DOCK7: variants seen among roughly 807,000 people sequenced by gnomAD.
DOCK7 encodes the protein dedicator of cytokinesis 7, also known as dedicator of cytokinesis protein 7.
A neutral mutation model predicts 271.0 loss-of-function variants in DOCK7; 138 were observed. The ratio of observed to expected loss-of-function variants is 0.51; its 90% confidence interval spans 0.44 to 0.59. The LOEUF (loss-of-function observed/expected upper bound fraction) is 0.59, where lower values mean the gene tolerates loss of function less well. Ranked by LOEUF, DOCK7 falls within the 20% of genes least tolerant of loss-of-function variation. The pLI is 0.00. For synonymous variants in DOCK7, 823 were observed against 876.1 expected (o/e 0.94, Z 1.07); for missense variants, 2,066 against 2,592.4 (o/e 0.80, Z 4.41).
intron 14 of DOCK7, among the ~76,000 whole-genome samples, chr1:62,593,940 A>G (rs1197224023): frequency 4.6e-5 from 7 of 152,320 alleles, no homozygotes; most frequent in African/African-American, 1.7e-4. Flanking sequence ...ACATATCTCC[A>G]TAAGATTACA....
Position 62,688,261 on chromosome 1 carries a change from C to A in DOCK7, c.4G>T (p.Ala2Ser). The change falls in exon 1 of 50, where the codon GCC becomes TCC. Residue 2 changes from alanine to serine, a missense_variant. By Grantham distance (99) the Ala-to-Ser change is moderately conservative. This residue lies in a region of DOCK7 where 1,414 missense variants were observed against 1,670.4 expected (regional missense o/e 0.85). Coordinates refer to ENST00000635253, the MANE Select transcript of DOCK7 (RefSeq NM_001367561.1). ...TTCTGGGCGAAGGCGCGGCGCTCGG[C>A]CATGGCTGCTGCGGCGACGGCGACG... MAERRAFAQKIS... is the reference protein window; with the variant it reads MSERRAFAQKIS... 1 of 1,345,700 alleles carries A rather than the reference C, an allele frequency of 7.4e-7. No homozygotes were observed. Among genetic ancestry groups the A allele is most frequent in the Non-Finnish European group, 9.7e-7 (1 of 1,035,286 alleles). The allele number at this position is 1,345,700 out of a possible 1,614,324, so 83.4% of individuals were successfully genotyped here.
chr1:62,597,639 T>C lies in DOCK7; in HGVS notation c.1683-11015A>G, dbSNP rs746135169. The C allele has an allele frequency of 3.1e-6, 5 of 1,613,152 alleles. No homozygotes were observed. The highest frequency in any genetic ancestry group is 4.2e-6 in the Non-Finnish European group (5 of 1,179,482). On this transcript the variant is annotated intron_variant, in intron 14 of 49. Coordinates refer to ENST00000635253, the MANE Select transcript of DOCK7 (RefSeq NM_001367561.1). The stretch of plus-strand genomic sequence containing the variant: ...CTCCAGAATTGATCAAGACAATTCA[T>C]CATTTGATTCTCTATCTCCAGAGCC...
At chr1:62,584,155 C>T in intron 15 of DOCK7, 3 of 983,658 alleles carry the variant, frequency 3.0e-6, no homozygotes, top group Non-Finnish European at 3.6e-6. Context: ...TTGGCATCAT[C>T]CTTAATTAGA....
Position 62,688,207 on chromosome 1 carries a change from G to A in DOCK7, c.38+20C>T. The stretch of plus-strand genomic sequence containing the variant: ...CTTTCTCGGGCGGCGGCGGCGGCGC[G>A]CCCCACGCCGGATATTTACCTGCTG... On this transcript the variant is annotated intron_variant, in intron 1 of 49. Transcript: ENST00000635253. 1.5e-6 allele frequency: 2 copies of A among 1,369,520 alleles called. No individual in the cohort carries two copies. The highest frequency in any genetic ancestry group is 2.7e-5 in the Admixed American group (1 of 37,034). 84.8% of individuals were successfully genotyped at this position (1,369,520 alleles called of 1,614,324 possible).
chr1:62,582,442 T>G (rs1571638542), intron 16 of DOCK7, among the ~76,000 whole-genome samples: 1 of 142,608 alleles, frequency 7.0e-6, no homozygotes, highest in Non-Finnish European at 1.5e-5. Context: ...CCCAGCTACT[T>G]GGGAGGCTGA....
intron 4 of DOCK7, among the ~76,000 whole-genome samples, chr1:62,650,192 T>G (rs1468524389): frequency 6.6e-6 from 1 of 152,230 alleles, no homozygotes; most frequent in Non-Finnish European, 1.5e-5. Flanking sequence ...CTAGATCATA[T>G]TTAGTCTATA....
intron 14 of DOCK7, among the ~76,000 whole-genome samples, chr1:62,614,197 T>C (rs1652158420): frequency 1.3e-5 from 2 of 152,112 alleles, no homozygotes; most frequent in African/African-American, 4.8e-5. Context: ...TTAGCAAATA[T>C]TTATGGAACT....
intron 1 of DOCK7, among the ~76,000 whole-genome samples, chr1:62,684,297 T>C (rs1557907856): frequency 6.6e-6 from 1 of 152,118 alleles, no homozygotes. Flanking sequence ...TAGGCCTCAA[T>C]TCCTCATCTA....
chr1:62,544,817 A>C, intron 23 of DOCK7, 130 bp downstream of exon 23: 1 of 664,030 alleles, frequency 1.5e-6, no homozygotes, highest in Non-Finnish European at 2.5e-6. Context: ...AAATGTGCTA[A>C]GTAAACAAAA....
At chr1:62,477,953 A>G (rs1557599748) in intron 43 of DOCK7, 128 bp from the exon 44 acceptor site, 2 of 1,059,470 alleles carry the variant, frequency 1.9e-6, no homozygotes, top group Non-Finnish European at 2.6e-6. Flanking sequence ...TCAAAATTAT[A>G]ATATTTTAAA....
At chr1:62,553,884 T>TCACTTCG (rs1646044963) in intron 21 of DOCK7, among the ~76,000 whole-genome samples, 1 of 151,382 alleles carries the variant, frequency 6.6e-6, no homozygotes, top group Non-Finnish European at 1.5e-5. Flanking sequence ...CGCAGCCCTT[T>TCACTTCG]CACTTCGGTA....
At chr1:62,545,174 G>A (rs1263628345) in intron 22 of DOCK7, 135 bp from the exon 23 acceptor site, 3 of 662,760 alleles carry the variant, frequency 4.5e-6, no homozygotes, top group East Asian at 2.9e-5. Context: ...ACCAAAATTT[G>A]TAGGCACCTA....
intron 37 of DOCK7, among the ~76,000 whole-genome samples, chr1:62,498,638 T>TG (rs956623974): frequency 1.3e-4 from 12 of 93,020 alleles, no homozygotes; most frequent in African/African-American, 3.5e-4. Flanking sequence ...CCAAGCTACT[T>TG]GAAAAAAAAA....
rs1470804574 is a variant in DOCK7 at position 62,688,325 on chromosome 1, G to T, written c.-61C>A. The T allele has an allele frequency of 9.0e-7, 1 of 1,110,368 alleles. No homozygotes were observed. Among genetic ancestry groups the T allele is most frequent in the East Asian group, 4.1e-5 (1 of 24,662 alleles). 68.8% of individuals were successfully genotyped at this position (1,110,368 alleles called of 1,614,324 possible). On this transcript the variant is annotated 5_prime_UTR_variant, in exon 1 of 50. Coordinates refer to ENST00000635253, the MANE Select transcript of DOCK7 (RefSeq NM_001367561.1). ...CGGCGGGCCGGGTGCGGACCGGCGGGCGCGTGCCTCCTCGCTCGTGCTCCC... is the reference window on the plus strand; with the variant it reads ...CGGCGGGCCGGGTGCGGACCGGCGGTCGCGTGCCTCCTCGCTCGTGCTCCC...
chr1:62,592,806 C>T (rs1648656100), intron 14 of DOCK7, among the ~76,000 whole-genome samples: 1 of 152,136 alleles, frequency 6.6e-6, no homozygotes, highest in Non-Finnish European at 1.5e-5. Flanking sequence ...TCATATACTC[C>T]TGGCAGGGAT....
intron 19 of DOCK7, among the ~76,000 whole-genome samples, chr1:62,561,099 C>G (rs998635114): frequency 6.6e-6 from 1 of 152,024 alleles, no homozygotes; most frequent in African/African-American, 2.4e-5. Flanking sequence ...AATGAGGTTG[C>G]TATGTTTTAA....
chr1:62,488,948 T>C lies in DOCK7; in HGVS notation c.5479A>G (p.Lys1827Glu), dbSNP rs781240642. The C allele has an allele frequency of 2.5e-6, 4 of 1,613,656 alleles. No homozygotes were observed. Among genetic ancestry groups the C allele is most frequent in the Non-Finnish European group, 3.4e-6 (4 of 1,179,866 alleles). The change falls in exon 42 of 50, where the codon AAA (lysine) becomes GAA (glutamate). Residue 1827 changes from lysine (K) to glutamate (E), a missense_variant. This residue lies in a region of DOCK7 where 652 missense variants were observed against 922.1 expected (regional missense o/e 0.71). Coordinates refer to ENST00000635253, the MANE Select transcript of DOCK7 (RefSeq NM_001367561.1). ...GGAATCATTACCTGATGAACAATTT[T>C]GCTGAATGCTTCTTGAAGTTTACCA... The part of the protein sequence containing the change: ...IHGKLQEAFS[K>E]IVHQSTGWER...
intron 7 of DOCK7, among the ~76,000 whole-genome samples, chr1:62,642,684 T>C (rs971854416): frequency 3.3e-5 from 5 of 152,216 alleles, no homozygotes; most frequent in African/African-American, 1.2e-4. Context: ...TTTAACCTCA[T>C]AAACTAGACT....
intron 10 of DOCK7, 27 bp downstream of exon 10, chr1:62,633,471 G>A (rs759250833): frequency 6.5e-7 from 1 of 1,527,892 alleles, no homozygotes; most frequent in Non-Finnish European, 9.0e-7. Flanking sequence ...TAATAATGTG[G>A]CGGAAATGAG....
Sources: gnomAD v4.1 joint callset for allele counts (sites outside exome capture counted in the v4.1 genomes callset) on GRCh38, gnomAD v4.1.1 for gene constraint, gnomAD v4.1.1 regional missense constraint, MANE v1.5 for transcripts, NCBI Gene and HGNC (gene_info 2026-07-23, HGNC 2026-07-21) for gene names.